The following ROR1 variants were observed in gnomAD, a reference collection of about 807,000 sequenced individuals.
ROR1 encodes the protein ROR family WNT receptor 1.
A neutral mutation model predicts 78.8 loss-of-function variants in ROR1; 19 were observed. The ratio of observed to expected loss-of-function variants is 0.24; its 90% CI spans 0.17 to 0.35. The LOEUF (loss-of-function observed/expected upper bound fraction) is 0.35, where lower values mean the gene tolerates loss of function less well. Ranked by LOEUF, ROR1 falls within the 10% of genes least tolerant of loss-of-function variation. The probability of loss-of-function intolerance (pLI) is 1.00; values close to 1 mark genes in which losing one functional copy is unlikely to be tolerated. For synonymous variants in ROR1, 386 were observed against 433.6 expected, an observed-to-expected ratio of 0.89 and a Z score of 1.36; for missense variants, 917 against 1,177.8, an observed-to-expected ratio of 0.78 and a Z score of 3.24.
intron 1 of ROR1, among the ~76,000 whole-genome samples, chr1:63,849,485 C>G (rs1446940877): frequency 6.6e-6 from 1 of 152,050 alleles, no homozygotes; most frequent in Non-Finnish European, 1.5e-5. Flanking sequence ...ATCACTTGAG[C>G]TCAGGAGTTT....
intron 1 of ROR1, among the ~76,000 whole-genome samples, chr1:63,861,149 A>G (rs2100345047): frequency 6.6e-6 from 1 of 152,324 alleles, no homozygotes; most frequent in Admixed American, 6.5e-5. Context: ...ACAGCTGTCC[A>G]GGAGGAATCC....
intron 4 of ROR1, among the ~76,000 whole-genome samples, chr1:64,071,296 G>A (rs2100617872): frequency 6.6e-6 from 1 of 152,248 alleles, no homozygotes; most frequent in East Asian, 1.9e-4. Flanking sequence ...GCGGAGGGTG[G>A]ACGAGAGTAT....
At chr1:63,795,904 G>T (rs147877591) in intron 1 of ROR1, among the ~76,000 whole-genome samples, 5 of 152,220 alleles carry the variant, frequency 3.3e-5, no homozygotes, top group South Asian at 2.1e-4. Context: ...TGGAGATGGG[G>T]GTGGCTGCTC....
intron 4 of ROR1, among the ~76,000 whole-genome samples, chr1:64,082,599 T>A (rs748369697): frequency 6.6e-6 from 1 of 152,204 alleles, no homozygotes; most frequent in Non-Finnish European, 1.5e-5. Context: ...GGCCATACCA[T>A]GCAAGCTGAG....
intron 6 of ROR1, 61 bp from the exon 7 acceptor site, chr1:64,142,344 G>A (rs1220553695): frequency 6.3e-7 from 1 of 1,596,466 alleles, no homozygotes; most frequent in African/African-American, 1.3e-5. Flanking sequence ...GCTGGCTAGA[G>A]GAGAGCTCCA....
At chr1:63,965,886 G>A (rs191871455) in intron 1 of ROR1, among the ~76,000 whole-genome samples, 6 of 152,330 alleles carry the variant, frequency 3.9e-5, no homozygotes, top group Non-Finnish European at 7.4e-5. Flanking sequence ...CGCAAGGACT[G>A]TGGAGTCAGG....
chr1:63,926,051 G>A (rs1416591537), intron 1 of ROR1, among the ~76,000 whole-genome samples: 1 of 152,074 alleles, frequency 6.6e-6, no homozygotes, highest in Non-Finnish European at 1.5e-5. Flanking sequence ...GTCTTTTGTT[G>A]CCATTGCTTT....
chr1:63,833,998 TTTTTTTTTG>T (rs1199347443), intron 1 of ROR1, among the ~76,000 whole-genome samples: 4 of 151,508 alleles, frequency 2.6e-5, no homozygotes, highest in African/African-American at 9.7e-5. Flanking sequence ...TTCTTTTTTT[TTTTTTTTTG>T]TTTGTTTGTT....
chr1:64,125,760 A>G (rs1648691068), intron 4 of ROR1, among the ~76,000 whole-genome samples: 1 of 152,184 alleles, frequency 6.6e-6, no homozygotes, highest in Non-Finnish European at 1.5e-5. Context: ...TTGTATTCAA[A>G]TGAGGGCTTG....
chr1:63,792,571 T>C (rs551731966), intron 1 of ROR1, among the ~76,000 whole-genome samples: 1 of 152,210 alleles, frequency 6.6e-6, no homozygotes, highest in Non-Finnish European at 1.5e-5. Flanking sequence ...GTTTCACCTC[T>C]CTGGGCTTCT....
At chr1:63,894,078 G>A (rs1294353026) in intron 1 of ROR1, among the ~76,000 whole-genome samples, 4 of 152,008 alleles carry the variant, frequency 2.6e-5, no homozygotes, top group Non-Finnish European at 5.9e-5. Context: ...GTAAAATTAA[G>A]GTTACTTGAA....
Position 64,140,203 on chromosome 1 carries a change from C to G in ROR1, c.705C>G (p.Cys235Trp). ...PSLCHYAFPY[C>W]DETSSVPKPR... ...TGTGCCACTATGCCTTCCCGTACTG[C>G]GATGAAACTTCATCCGTCCCAAAGC... The change falls in exon 6 of 9, where the codon TGC becomes TGG. Residue 235 changes from cysteine to tryptophan, a missense_variant. Physicochemically the swap from Cys to Trp is radical, Grantham distance 215. Around this residue, in one of 3 missense-constraint regions of ROR1, gnomAD observed 835 missense variants for 1,069.8 expected, o/e 0.78. Coordinates refer to ENST00000371079, the MANE Select transcript of ROR1 (RefSeq NM_005012.4). 1 of 1,613,948 alleles carries G rather than the reference C, an allele frequency of 6.2e-7. No homozygotes were observed. Among genetic ancestry groups the G allele is most frequent in the Non-Finnish European group, 8.5e-7 (1 of 1,179,966 alleles).
chr1:63,867,877 G>A (rs762827843), intron 1 of ROR1, among the ~76,000 whole-genome samples: 1 of 152,206 alleles, frequency 6.6e-6, no homozygotes, highest in Non-Finnish European at 1.5e-5. Context: ...TCCCGATTCC[G>A]GCTGTCTGGG....
chr1:64,090,666 A>C (rs1241680094), intron 4 of ROR1, among the ~76,000 whole-genome samples: 1 of 152,236 alleles, frequency 6.6e-6, no homozygotes, highest in Non-Finnish European at 1.5e-5. Context: ...ACAGAGGAAG[A>C]AACAAAAAAT....
chr1:64,179,131 T>G lies in ROR1; in HGVS notation c.*276T>G, dbSNP rs1479877763. 3.1e-6 allele frequency: 1 copy of G among 318,750 alleles called. No individual in the cohort carries two copies. Among genetic ancestry groups the G allele is most frequent in the African/African-American group, 2.2e-5 (1 of 45,940 alleles). The allele number at this position is 318,750 out of a possible 1,614,324, so 19.7% of individuals were successfully genotyped here. ...GATTGGAACATGTGGTTTCGAGCAC[T>G]GAAAGCTGCAAACCAGTGAAGAGGA... On this transcript the variant is annotated 3_prime_UTR_variant, in exon 9 of 9. Transcript: ENST00000371079.
intron 1 of ROR1, among the ~76,000 whole-genome samples, chr1:63,992,775 T>C (rs1319867369): frequency 6.6e-6 from 1 of 152,212 alleles, no homozygotes; most frequent in Non-Finnish European, 1.5e-5. Context: ...TAAATGTGCT[T>C]TGCAAACTCT....
chr1:64,102,147 T>G (rs187477824), intron 4 of ROR1, among the ~76,000 whole-genome samples: 209 of 152,210 alleles, frequency 1.4e-3, no homozygotes, highest in African/African-American at 4.3e-3. Flanking sequence ...AATAGCTAAG[T>G]AGACTAGAAG....
chr1:64,055,098 C>T (rs1027697727), intron 4 of ROR1, among the ~76,000 whole-genome samples: 1 of 152,110 alleles, frequency 6.6e-6, no homozygotes, highest in African/African-American at 2.4e-5. Context: ...AGATCACATT[C>T]CAAGGTACCT....
Position 64,178,787 on chromosome 1 carries a change from CAA to C in ROR1, c.2747_2748del (p.Gln916ArgfsTer36). On this transcript the variant is annotated frameshift_variant, in exon 9 of 9. Transcript: ENST00000371079. LOFTEE classifies it high-confidence loss of function. This position sits in a 1 kb window ranked among gnomAD's most constrained non-coding sequence, Gnocchi z 4.3. ...SQKPYKIDSK[Q>X]ASLLGDANIH... ...AAAACCCTACAAAATTGACTCAAAG[CAA>C]GCATCTTTACTAGGAGACGCCAATA... 6.2e-7 allele frequency: 1 copy of C among 1,614,112 alleles called. No individual in the cohort carries two copies. Among genetic ancestry groups the C allele is most frequent in the African/African-American group, 1.3e-5 (1 of 75,016 alleles).
Sources: gnomAD v4.1 joint callset for allele counts (sites outside exome capture counted in the v4.1 genomes callset) on GRCh38, gnomAD v4.1.1 for gene constraint, gnomAD v4.1.1 regional missense constraint, Gnocchi (gnomAD v3.1) non-coding constraint, MANE v1.5 for transcripts, NCBI Gene and HGNC (gene_info 2026-07-23, HGNC 2026-07-21) for gene names.